Variants in HSDL2 observed in about 807,000 individuals in gnomAD.
HSDL2 encodes the protein hydroxysteroid dehydrogenase-like protein 2.
In HSDL2, 27 loss-of-function variants were observed where a neutral mutation model predicts 46.3. The ratio of observed to expected loss-of-function variants is 0.58; its 90% CI spans 0.43 to 0.80. The LOEUF (loss-of-function observed/expected upper bound fraction) is 0.80. HSDL2 is among the 30% of genes least tolerant of loss of function. HSDL2 has a pLI of 0.00. For missense variants in HSDL2, 451 were observed against 502.7 expected (o/e 0.90, Z 0.98); for synonymous variants, 153 against 163.6 (o/e 0.94, Z 0.50).
At position 112,431,235 on chromosome 9, in the gene HSDL2, C is replaced by T. The variant is rs542377981; in HGVS notation, c.599-7196C>T. Among the ~76,000 whole-genome samples the T allele has an allele frequency of 6.0e-4, 91 of 151,860 alleles. 1 individual carries two copies. The highest frequency in any genetic ancestry group is 2.2e-3 in the African/African-American group (91 of 41,402). ...GTGGGGACAGTCATTAGGCAGCAGG[C>T]CTGGTGAATGAGGGTCAGGAGAGCG... On this transcript the variant is annotated intron_variant, in intron 6 of 10. Transcript: ENST00000398805.
intron 8 of HSDL2, among the ~76,000 whole-genome samples, chr9:112,446,773 A>C (rs1309146062): frequency 6.6e-6 from 1 of 152,158 alleles, no homozygotes; most frequent in Non-Finnish European, 1.5e-5. Flanking sequence ...GGACTCCCCT[A>C]CTGTCTGCTT....
chr9:112,456,649 G>T (rs7045266), intron 9 of HSDL2, among the ~76,000 whole-genome samples: 145,523 of 152,264 alleles, frequency 0.96, 69,606 homozygotes, highest in African/African-American at 0.98. Context: ...AATGACCATA[G>T]GAACCGACTG....
At chr9:112,419,020 T>G in intron 6 of HSDL2, 62 bp downstream of exon 6, 1 of 902,910 alleles carries the variant, frequency 1.1e-6, no homozygotes, top group Non-Finnish European at 1.8e-6. Context: ...CACTTATTAT[T>G]ATTTTTTGAC....
At chr9:112,458,318 T>TTG (rs1449864576) in intron 9 of HSDL2, among the ~76,000 whole-genome samples, 3 of 8,478 alleles carry the variant, frequency 3.5e-4, no homozygotes, top group African/African-American at 1.0e-3. Flanking sequence ...TAACCACTTC[T>TTG]TCTTTTTTTT....
intron 9 of HSDL2, among the ~76,000 whole-genome samples, chr9:112,456,921 G>A (rs574941770): frequency 1.3e-5 from 2 of 152,086 alleles, no homozygotes; most frequent in African/African-American, 4.8e-5. Flanking sequence ...TTGGAAGGCC[G>A]AGGTGGGCAG....
chr9:112,403,235 G>T (rs58870718), intron 1 of HSDL2, among the ~76,000 whole-genome samples: 1 of 152,202 alleles, frequency 6.6e-6, no homozygotes, highest in Non-Finnish European at 1.5e-5. Context: ...TCAACCCTCC[G>T]TTGTCAGCCT....
intron 10 of HSDL2, among the ~76,000 whole-genome samples, chr9:112,460,709 G>A (rs777347047): frequency 1.3e-5 from 2 of 150,870 alleles, no homozygotes; most frequent in East Asian, 1.9e-4. Flanking sequence ...TAACACCACC[G>A]CACTCCAGCC....
At chr9:112,416,451 A>C (rs754547206) in intron 4 of HSDL2, among the ~76,000 whole-genome samples, 7 of 151,466 alleles carry the variant, frequency 4.6e-5, no homozygotes, top group South Asian at 2.1e-4. Flanking sequence ...AACAAACAAA[A>C]AAAAAGAAGT....
At chr9:112,425,628 G>A (rs1045241683) in intron 6 of HSDL2, among the ~76,000 whole-genome samples, 3 of 151,520 alleles carry the variant, frequency 2.0e-5, no homozygotes, top group African/African-American at 7.3e-5. Context: ...TATTCTTGGT[G>A]TCACATTTTG....
chr9:112,398,928 G>A (rs1056015456), intron 1 of HSDL2, among the ~76,000 whole-genome samples: 3 of 151,358 alleles, frequency 2.0e-5, no homozygotes, highest in East Asian at 3.9e-4. Context: ...CTTAGACTTC[G>A]TGTGACCCAT....
intron 1 of HSDL2, among the ~76,000 whole-genome samples, chr9:112,398,559 G>T (rs569346160): frequency 1.3e-5 from 2 of 152,020 alleles, no homozygotes; most frequent in Non-Finnish European, 2.9e-5. Context: ...GTTGGTGAAG[G>T]GAGAGGCTTG....
At chr9:112,390,319 C>T (rs370340806) in intron 1 of HSDL2, among the ~76,000 whole-genome samples, 13 of 152,072 alleles carry the variant, frequency 8.5e-5, no homozygotes, top group African/African-American at 2.9e-4. Flanking sequence ...TATGACAGAG[C>T]TGATATTGAA....
chr9:112,438,601 T>G lies in HSDL2; in HGVS notation c.769T>G (p.Phe257Val). Residue 257 changes from phenylalanine to valine, a missense_variant, in exon 7 of 11, where the codon TTT (phenylalanine) becomes GTT (valine). Coordinates refer to ENST00000398805, the MANE Select transcript of HSDL2 (RefSeq NM_032303.5). ...NILKEEGIEN[F>V]DVYAIKPGHP... ...CTTAAAAGAAGAAGGAATAGAAAAT[T>G]TTGACGTTTATGCAATTAAACCAGG... 4 of 1,598,722 alleles carry G rather than the reference T, an allele frequency of 2.5e-6. No homozygotes were observed. Among genetic ancestry groups the G allele is most frequent in the Non-Finnish European group, 3.4e-6 (4 of 1,172,188 alleles).
At position 112,470,727 on chromosome 9, in the gene HSDL2, T is replaced by G; in HGVS notation, c.*183T>G. The G allele has an allele frequency of 2.1e-6, 1 of 469,262 alleles. No homozygotes were observed. 29.1% of individuals were successfully genotyped at this position (469,262 alleles called of 1,614,324 possible). On this transcript the variant is annotated 3_prime_UTR_variant, in exon 11 of 11. Coordinates refer to ENST00000398805, the MANE Select transcript of HSDL2 (RefSeq NM_032303.5). The stretch of plus-strand genomic sequence containing the variant: ...ATTAAAATGGCAAGCTAATCAAACA[T>G]AAGCTTCATTAAGTGGGATTCTAAG...
chr9:112,402,139 C>CA (rs1232763245), intron 1 of HSDL2, among the ~76,000 whole-genome samples: 1 of 152,172 alleles, frequency 6.6e-6, no homozygotes, highest in Non-Finnish European at 1.5e-5. Flanking sequence ...TTTCCTTAAG[C>CA]AGACTTTTAA....
chr9:112,465,661 C>A (rs560951923), intron 10 of HSDL2, among the ~76,000 whole-genome samples: 16 of 152,276 alleles, frequency 1.1e-4, no homozygotes, highest in African/African-American at 3.6e-4. Context: ...AATATGTGAC[C>A]TTTTGCATCT....
At chr9:112,462,997 A>G (rs1303357471) in intron 10 of HSDL2, among the ~76,000 whole-genome samples, 2 of 152,166 alleles carry the variant, frequency 1.3e-5, no homozygotes, top group Non-Finnish European at 2.9e-5. Flanking sequence ...TTTGATATTC[A>G]TTCATATATA....
intron 8 of HSDL2, among the ~76,000 whole-genome samples, chr9:112,443,659 G>A (rs1772710397): frequency 6.6e-6 from 1 of 152,236 alleles, no homozygotes; most frequent in Admixed American, 6.5e-5. Flanking sequence ...GAGCTCAAGA[G>A]TTTGAGGCTG....
chr9:112,465,161 C>T (rs144709544), intron 10 of HSDL2, among the ~76,000 whole-genome samples: 1,920 of 152,240 alleles, frequency 0.013, 20 homozygotes, highest in Non-Finnish European at 0.021. Context: ...CAGAGTCTCG[C>T]GCAGTCACCC....
Sources: gnomAD v4.1 joint callset for allele counts (sites outside exome capture counted in the v4.1 genomes callset) on GRCh38, gnomAD v4.1.1 for gene constraint, MANE v1.5 for transcripts, NCBI Gene and HGNC (gene_info 2026-07-23, HGNC 2026-07-21) for gene names.